The following PPP3CA variants were observed in gnomAD, a reference collection of about 807,000 sequenced individuals.
The protein encoded by PPP3CA is protein phosphatase 3 catalytic subunit alpha.
A neutral mutation model predicts 66.5 loss-of-function variants in PPP3CA; 14 were observed. The observed-to-expected ratio is 0.21, with a 90% CI of 0.14 to 0.33. PPP3CA has a LOEUF of 0.33. Ranked by LOEUF, PPP3CA falls within the 10% of genes least tolerant of loss-of-function variation. PPP3CA has a pLI of 1.00. For missense variants in PPP3CA, 317 were observed against 639.5 expected (o/e 0.50, Z 5.44); for synonymous variants, 232 against 226.2 (o/e 1.03, Z -0.23).
chr4:101,265,366 C>T (rs1457668629), intron 1 of PPP3CA, among the ~76,000 whole-genome samples: 2 of 152,202 alleles, frequency 1.3e-5, no homozygotes, highest in Non-Finnish European at 2.9e-5. Flanking sequence ...ACCTCAGCCT[C>T]CCAAACTGCT....
rs1560604786 is a variant in PPP3CA at position 101,106,402 on chromosome 4, AAAG to A, written c.384+2549_384+2551del. Among the ~76,000 whole-genome samples, 26 of 8,664 alleles carry A rather than the reference AAAG, an allele frequency of 3.0e-3. 2 individuals carry two copies. The highest frequency in any genetic ancestry group is 8.5e-3 in the African/African-American group (24 of 2,808). The allele number at this position is 8,664 out of a possible 152,430, so 5.7% of individuals were successfully genotyped here. On this transcript the variant is annotated intron_variant, in intron 3 of 13. Coordinates refer to ENST00000394854, the MANE Select transcript of PPP3CA (RefSeq NM_000944.5). ...GAAAGAAAGAAAGAAAGAAAGAAAG[AAAG>A]AAAGAAAGAAAGAAAGAAAGAAAGA...
intron 2 of PPP3CA, among the ~76,000 whole-genome samples, chr4:101,190,723 T>C (rs1040895358): frequency 6.6e-6 from 1 of 152,110 alleles, no homozygotes; most frequent in African/African-American, 2.4e-5. Context: ...CGAATGTTTT[T>C]TTCTGGGAAA....
chr4:101,299,575 G>A (rs74711310), intron 1 of PPP3CA, among the ~76,000 whole-genome samples: 2,607 of 151,800 alleles, frequency 0.017, 80 homozygotes, highest in African/African-American at 0.056. Context: ...CTGAATCATC[G>A]TTATGCAGCA....
intron 3 of PPP3CA, among the ~76,000 whole-genome samples, chr4:101,105,168 C>CT (rs1378147435): frequency 0.017 from 2,468 of 142,972 alleles, 55 homozygotes; most frequent in African/African-American, 0.056. Flanking sequence ...CTTTTTTTTC[C>CT]TTTTTTTTTT....
At position 101,113,482 on chromosome 4, in the gene PPP3CA, A is replaced by G. The variant is rs17030765; in HGVS notation, c.260-4404T>C. Reference sequence around the variant, plus strand: ...GTTGCTGTGAGATTAGGACTTCACTATTATATGAAAGAATCGTAAGTGATT... The same window carrying G: ...GTTGCTGTGAGATTAGGACTTCACTGTTATATGAAAGAATCGTAAGTGATT... On this transcript the variant is annotated intron_variant, in intron 2 of 13. Coordinates refer to ENST00000394854, the MANE Select transcript of PPP3CA (RefSeq NM_000944.5). 1.1e-3 allele frequency among the ~76,000 whole-genome samples: 171 copies of G among 152,162 alleles called. 7 individuals are homozygous for G. In the East Asian group the frequency reaches 0.025, roughly 22 times the overall value.
At position 101,030,697 on chromosome 4, in the gene PPP3CA, A is replaced by G. The variant is rs981914358; in HGVS notation, c.1340-1502T>C. Among the ~76,000 whole-genome samples, 3 of 152,150 alleles carry G rather than the reference A, an allele frequency of 2.0e-5. 1 individual carries two copies. The highest frequency in any genetic ancestry group is 7.2e-5 in the African/African-American group (3 of 41,452). On this transcript the variant is annotated intron_variant, in intron 12 of 13. Coordinates refer to ENST00000394854, the MANE Select transcript of PPP3CA (RefSeq NM_000944.5). ...AACGTAAGTTTAAAAGTAAAGCAAA[A>G]CATCCAGAATCACACCAGCACTGAC...
chr4:101,097,803 T>C (rs77520950), intron 5 of PPP3CA, among the ~76,000 whole-genome samples: 8,063 of 152,260 alleles, frequency 0.053, 347 homozygotes, highest in African/African-American at 0.11. Flanking sequence ...CAACTGTTAA[T>C]AGCCAATGCT....
chr4:101,155,106 C>T (rs570170583), intron 2 of PPP3CA, among the ~76,000 whole-genome samples: 3 of 152,000 alleles, frequency 2.0e-5, no homozygotes, highest in African/African-American at 4.8e-5. Context: ...TGAGCCAACG[C>T]GCCCAGCCAT....
chr4:101,271,428 C>T (rs1172894901), intron 1 of PPP3CA, among the ~76,000 whole-genome samples: 1 of 152,062 alleles, frequency 6.6e-6, no homozygotes, highest in Admixed American at 6.6e-5. Flanking sequence ...TAAGTGTAAA[C>T]ATGATATTTC....
chr4:101,098,099 T>G (rs1340556372), intron 5 of PPP3CA, among the ~76,000 whole-genome samples: 2 of 151,914 alleles, frequency 1.3e-5, no homozygotes, highest in Non-Finnish European at 2.9e-5. Flanking sequence ...ATAAGGCATA[T>G]TTTTTTTAGA....
At chr4:101,048,584 C>T (rs1727874173) in intron 10 of PPP3CA, among the ~76,000 whole-genome samples, 1 of 133,224 alleles carries the variant, frequency 7.5e-6, no homozygotes, top group African/African-American at 2.7e-5. Flanking sequence ...AAGAGAAACA[C>T]ATTCAAGACA....
chr4:101,081,775 G>A (rs1376906225), intron 7 of PPP3CA, among the ~76,000 whole-genome samples: 1 of 152,010 alleles, frequency 6.6e-6, no homozygotes, highest in Non-Finnish European at 1.5e-5. Flanking sequence ...AAAAGAAAAT[G>A]CCCCCTTAAA....
intron 1 of PPP3CA, among the ~76,000 whole-genome samples, chr4:101,307,141 A>G (rs1198963736): frequency 6.6e-6 from 1 of 151,614 alleles, no homozygotes; most frequent in African/African-American, 2.4e-5. Flanking sequence ...AAATGGGATT[A>G]ATCACTGCAC....
At chr4:101,317,286 A>ACACACACACACACACACACT (rs1483939136) in intron 1 of PPP3CA, among the ~76,000 whole-genome samples, 6 of 150,566 alleles carry the variant, frequency 4.0e-5, no homozygotes, top group African/African-American at 1.5e-4. Context: ...ACACACACAC[A>ACACACACACACACACACACT]CTCACACACA....
At chr4:101,249,365 AC>A (rs917353996) in intron 1 of PPP3CA, among the ~76,000 whole-genome samples, 8 of 152,140 alleles carry the variant, frequency 5.3e-5, no homozygotes, top group Non-Finnish European at 1.0e-4. Context: ...TATTTTTAAA[AC>A]AATGCCTTTG....
intron 8 of PPP3CA, among the ~76,000 whole-genome samples, chr4:101,075,031 C>T (rs568946660): frequency 6.6e-6 from 1 of 152,280 alleles, no homozygotes; most frequent in East Asian, 1.9e-4. Context: ...AGAGCTTGCG[C>T]AGGGGAACTC....
intron 1 of PPP3CA, among the ~76,000 whole-genome samples, chr4:101,330,094 A>G (rs1729333191): frequency 6.6e-6 from 1 of 152,182 alleles, no homozygotes; most frequent in Non-Finnish European, 1.5e-5. Context: ...GAAAGGATTC[A>G]CCATTCTAGA....
chr4:101,146,366 TC>T (rs1722968607), intron 2 of PPP3CA, among the ~76,000 whole-genome samples: 1 of 152,232 alleles, frequency 6.6e-6, no homozygotes. Flanking sequence ...GTCAGTGTTA[TC>T]CTATGTTTAT....
intron 1 of PPP3CA, among the ~76,000 whole-genome samples, chr4:101,235,883 A>G (rs1280260321): frequency 6.6e-6 from 1 of 151,930 alleles, no homozygotes; most frequent in African/African-American, 2.4e-5. Flanking sequence ...TAAAATGAAC[A>G]ATTCTTTCTG....
Sources: allele counts gnomAD v4.1 joint callset (sites outside exome capture counted in the v4.1 genomes callset), GRCh38; gene constraint gnomAD v4.1.1; transcripts MANE v1.5; gene names NCBI Gene and HGNC (gene_info 2026-07-23, HGNC 2026-07-21).